Variants in XYLT1 observed in about 807,000 individuals in gnomAD.
XYLT1 encodes the protein xylosyltransferase 1, also known as beta-D-xylosyltransferase 1.
Under a neutral mutation model 91.3 loss-of-function variants are expected in XYLT1, and 36 were observed. The observed-to-expected ratio is 0.39, with a 90% confidence interval of 0.30 to 0.52. The LOEUF (loss-of-function observed/expected upper bound fraction) is 0.52, where lower values mean the gene tolerates loss of function less well. Ranked by LOEUF, XYLT1 falls within the 20% of genes least tolerant of loss-of-function variation. The probability of loss-of-function intolerance (pLI) is 0.68; values close to 1 mark genes in which losing one functional copy is unlikely to be tolerated. For missense variants in XYLT1, 1,242 were observed against 1,284.5 expected, an observed-to-expected ratio of 0.97 and a Z score of 0.51; for synonymous variants, 588 against 532.0, an observed-to-expected ratio of 1.11 and a Z score of -1.45.
chr16:17,386,740 G>A (rs1446494535), intron 1 of XYLT1, among the ~76,000 whole-genome samples: 1 of 152,142 alleles, frequency 6.6e-6, no homozygotes, highest in Non-Finnish European at 1.5e-5. Flanking sequence ...TATTATAAGA[G>A]CACTGATAAT....
chr16:17,383,442 C>T (rs1467538263), intron 1 of XYLT1, among the ~76,000 whole-genome samples: 1 of 151,876 alleles, frequency 6.6e-6, no homozygotes, highest in Non-Finnish European at 1.5e-5. Flanking sequence ...CCATCTTCCT[C>T]ACTCCACTGT....
intron 2 of XYLT1, among the ~76,000 whole-genome samples, chr16:17,276,552 C>CA (rs894009953): frequency 2.6e-5 from 4 of 152,178 alleles, no homozygotes; most frequent in Non-Finnish European, 1.5e-5. Flanking sequence ...GGTGGATATG[C>CA]AAAAACCTCA....
At chr16:17,305,878 C>T (rs60821549) in intron 2 of XYLT1, among the ~76,000 whole-genome samples, 6,747 of 152,144 alleles carry the variant, frequency 0.044, 496 homozygotes, top group African/African-American at 0.15. Context: ...CCTGACACCG[C>T]CGTGGTGGGG....
chr16:17,465,809 T>G (rs2036889183), intron 1 of XYLT1, among the ~76,000 whole-genome samples: 1 of 152,202 alleles, frequency 6.6e-6, no homozygotes, highest in African/African-American at 2.4e-5. Flanking sequence ...GAACAGCTCA[T>G]TTTTGAACAC....
chr16:17,205,084 G>A (rs1341033494), intron 3 of XYLT1, among the ~76,000 whole-genome samples: 2 of 151,928 alleles, frequency 1.3e-5, no homozygotes, highest in Admixed American at 6.6e-5. Context: ...GCTGACTTCA[G>A]ATGAATGTTA....
At chr16:17,216,973 T>G (rs2032872730) in intron 3 of XYLT1, among the ~76,000 whole-genome samples, 1 of 152,226 alleles carries the variant, frequency 6.6e-6, no homozygotes, top group South Asian at 2.1e-4. Flanking sequence ...GGGATGGTGT[T>G]TCATTTACTT....
At chr16:17,149,314 C>T (rs961951964) in intron 6 of XYLT1, among the ~76,000 whole-genome samples, 1 of 152,116 alleles carries the variant, frequency 6.6e-6, no homozygotes, top group African/African-American at 2.4e-5. Context: ...TAACTCTGCT[C>T]TTCAAGTTTA....
chr16:17,295,606 T>C (rs2034298111), intron 2 of XYLT1, among the ~76,000 whole-genome samples: 1 of 152,148 alleles, frequency 6.6e-6, no homozygotes. Flanking sequence ...TCTGACCACT[T>C]TGACCTCCCA....
chr16:17,143,822 GTCAT>G (rs1567294307), intron 6 of XYLT1, among the ~76,000 whole-genome samples: 1 of 145,892 alleles, frequency 6.9e-6, no homozygotes, highest in African/African-American at 2.7e-5. Flanking sequence ...TATCACCACT[GTCAT>G]CACCACCATC....
chr16:17,235,992 G>A (rs60621000), intron 3 of XYLT1, among the ~76,000 whole-genome samples: 9,344 of 152,128 alleles, frequency 0.061, 305 homozygotes, highest in South Asian at 0.13. Flanking sequence ...TCAGCCTCCC[G>A]AGTAGCTGGG....
chr16:17,353,476 G>A (rs2035248428), intron 2 of XYLT1, among the ~76,000 whole-genome samples: 1 of 152,106 alleles, frequency 6.6e-6, no homozygotes, highest in Non-Finnish European at 1.5e-5. Context: ...AAAGTAATAA[G>A]GATTCCAATG....
At chr16:17,311,078 C>T (rs892002480) in intron 2 of XYLT1, among the ~76,000 whole-genome samples, 1 of 152,174 alleles carries the variant, frequency 6.6e-6, no homozygotes, top group African/African-American at 2.4e-5. Flanking sequence ...GGGCTCCCTT[C>T]CTTGCCTTCA....
intron 1 of XYLT1, among the ~76,000 whole-genome samples, chr16:17,420,298 G>A (rs1432985806): frequency 6.6e-6 from 1 of 152,174 alleles, no homozygotes; most frequent in Non-Finnish European, 1.5e-5. Context: ...AAATGAGCCA[G>A]GAAGTAATGG....
chr16:17,126,891 C>T (rs1409012636), intron 10 of XYLT1, among the ~76,000 whole-genome samples: 1 of 152,210 alleles, frequency 6.6e-6, no homozygotes. Flanking sequence ...GGGGATACCA[C>T]AGTGAAGAGG....
chr16:17,306,557 G>GATAT (rs35971345), intron 2 of XYLT1, among the ~76,000 whole-genome samples: 23,888 of 146,338 alleles, frequency 0.16, 2,063 homozygotes, highest in Middle Eastern at 0.2. Flanking sequence ...TGTCACAAAA[G>GATAT]ATATATATAT....
chr16:17,313,140 C>T (rs899078990), intron 2 of XYLT1, among the ~76,000 whole-genome samples: 100 of 152,300 alleles, frequency 6.6e-4, no homozygotes, highest in Non-Finnish European at 2.4e-4. Flanking sequence ...GTGATGTTCT[C>T]GGGACTGGCC....
intron 2 of XYLT1, among the ~76,000 whole-genome samples, chr16:17,336,085 G>A (rs979071115): frequency 6.6e-6 from 1 of 152,202 alleles, no homozygotes; most frequent in Non-Finnish European, 1.5e-5. Flanking sequence ...TCCCAGGTGT[G>A]TGCACAGCAT....
At chr16:17,342,139 C>T (rs867264843) in intron 2 of XYLT1, among the ~76,000 whole-genome samples, 4 of 152,298 alleles carry the variant, frequency 2.6e-5, no homozygotes, top group South Asian at 4.2e-4. Context: ...TCACCTCCAC[C>T]GCCCCTCTCT....
chr16:17,397,915 C>T (rs989067839), intron 1 of XYLT1, among the ~76,000 whole-genome samples: 9 of 150,904 alleles, frequency 6.0e-5, no homozygotes, highest in African/African-American at 1.7e-4. Context: ...CTCTGCCTCC[C>T]GGGTTCAAGC....
Sources: allele counts gnomAD v4.1 joint callset (sites outside exome capture counted in the v4.1 genomes callset), GRCh38; gene constraint gnomAD v4.1.1; transcripts MANE v1.5; gene names NCBI Gene and HGNC (gene_info 2026-07-23, HGNC 2026-07-21).